The following SCHIP1 variants were observed in gnomAD, a reference collection of about 807,000 sequenced individuals.
SCHIP1 encodes schwannomin-interacting protein 1.
In SCHIP1, 8 loss-of-function variants were observed where a neutral mutation model predicts 29.7. That is an observed-to-expected ratio of 0.27 (90% CI 0.16 to 0.49). The LOEUF (loss-of-function observed/expected upper bound fraction) is 0.49, where lower values mean the gene tolerates loss of function less well. Ranked by LOEUF, SCHIP1 falls within the 20% of genes least tolerant of loss-of-function variation. The pLI, the probability that SCHIP1 is intolerant of heterozygous loss-of-function variation, is 0.99. For missense variants in SCHIP1, 193 were observed against 294.6 expected, an observed-to-expected ratio of 0.66 and a Z score of 2.52; for synonymous variants, 76 against 94.9, an observed-to-expected ratio of 0.80 and a Z score of 1.16.
chr3:159,323,069 G>A, the SCHIP1 span, among the ~76,000 whole-genome samples: 1 of 152,144 alleles, frequency 6.6e-6, no homozygotes, highest in Non-Finnish European at 1.5e-5. Flanking sequence ...TATTTGATTA[G>A]CTTGGTTTCT....
At chr3:159,297,123 C>T in the SCHIP1 span, among the ~76,000 whole-genome samples, 1 of 110,544 alleles carries the variant, frequency 9.0e-6, no homozygotes, top group Non-Finnish European at 1.8e-5. Context: ...GAGTAATATT[C>T]CATTGTGTGT....
At chr3:159,617,984 G>A in the SCHIP1 span, among the ~76,000 whole-genome samples, 1 of 151,994 alleles carries the variant, frequency 6.6e-6, no homozygotes, top group African/African-American at 2.4e-5. Flanking sequence ...CTCATAATTT[G>A]GACATGTGAA....
the SCHIP1 span, among the ~76,000 whole-genome samples, chr3:159,453,183 G>A: frequency 1.3e-5 from 2 of 152,128 alleles, no homozygotes; most frequent in South Asian, 2.1e-4. Context: ...GAGACTGCAC[G>A]GGACAAGAAA....
the SCHIP1 span, among the ~76,000 whole-genome samples, chr3:159,622,416 T>C: frequency 6.9e-6 from 1 of 145,656 alleles, no homozygotes. Flanking sequence ...AGAAATGCTA[T>C]TTGTTTCTGA....
At chr3:159,426,263 T>A in the SCHIP1 span, among the ~76,000 whole-genome samples, 1 of 150,836 alleles carries the variant, frequency 6.6e-6, no homozygotes, top group Non-Finnish European at 1.5e-5. Context: ...TTTGAAAGGA[T>A]CAACAAAATA....
At chr3:159,455,936 G>A in the SCHIP1 span, among the ~76,000 whole-genome samples, 3 of 152,204 alleles carry the variant, frequency 2.0e-5, no homozygotes, top group East Asian at 5.8e-4. Flanking sequence ...AGATGCCACC[G>A]TAATTAATGA....
chr3:159,462,993 A>G, the SCHIP1 span, among the ~76,000 whole-genome samples: 1 of 152,084 alleles, frequency 6.6e-6, no homozygotes, highest in African/African-American at 2.4e-5. Flanking sequence ...AAAATGACAT[A>G]TATGTGTACA....
the SCHIP1 span, among the ~76,000 whole-genome samples, chr3:159,364,038 G>A: frequency 1.3e-5 from 2 of 152,096 alleles, no homozygotes; most frequent in Admixed American, 1.3e-4. Flanking sequence ...TGCACTTCTG[G>A]TTTTTCATGT....
At chr3:159,877,620 C>T (rs955690044) in intron 2 of SCHIP1, among the ~76,000 whole-genome samples, 7 of 152,152 alleles carry the variant, frequency 4.6e-5, no homozygotes, top group South Asian at 2.1e-4. Context: ...TTAAGATTTT[C>T]GCCTACTTCA....
the SCHIP1 span, among the ~76,000 whole-genome samples, chr3:159,795,513 C>CA: frequency 2.0e-5 from 3 of 152,294 alleles, no homozygotes; most frequent in African/African-American, 7.2e-5. Context: ...CCCAAGACAT[C>CA]ACGGCCAGTA....
chr3:159,440,882 G>T, the SCHIP1 span, among the ~76,000 whole-genome samples: 9,254 of 152,270 alleles, frequency 0.061, 372 homozygotes, highest in Non-Finnish European at 0.096. Flanking sequence ...AACTCACTCT[G>T]ATGGAGAAAA....
At chr3:159,729,957 G>A in the SCHIP1 span, among the ~76,000 whole-genome samples, 1 of 152,074 alleles carries the variant, frequency 6.6e-6, no homozygotes, top group African/African-American at 2.4e-5. Context: ...CTGCAGGCCT[G>A]GATATGGAAT....
the SCHIP1 span, among the ~76,000 whole-genome samples, chr3:159,560,611 G>A: frequency 4.6e-5 from 7 of 151,780 alleles, no homozygotes; most frequent in South Asian, 2.1e-4. Flanking sequence ...CTTTTTCCAC[G>A]CATCATTTCA....
At chr3:159,737,600 A>G in the SCHIP1 span, among the ~76,000 whole-genome samples, 1 of 152,214 alleles carries the variant, frequency 6.6e-6, no homozygotes, top group Admixed American at 6.5e-5. Flanking sequence ...ACTGTGCTAA[A>G]GACACATGTT....
At chr3:159,543,665 C>T in the SCHIP1 span, among the ~76,000 whole-genome samples, 1 of 151,778 alleles carries the variant, frequency 6.6e-6, no homozygotes, top group East Asian at 1.9e-4. Context: ...GTGAATAGTG[C>T]CGCAATAAAC....
the SCHIP1 span, among the ~76,000 whole-genome samples, chr3:159,468,827 T>A: frequency 1.3e-5 from 2 of 149,700 alleles, no homozygotes; most frequent in East Asian, 3.9e-4. Flanking sequence ...AGCACAGTAG[T>A]GTGATCTCAG....
the SCHIP1 span, among the ~76,000 whole-genome samples, chr3:159,630,771 C>T: frequency 8.5e-5 from 13 of 152,246 alleles, no homozygotes; most frequent in South Asian, 2.5e-3. Context: ...GTACGGTGTA[C>T]ACTGCTTGGG....
At chr3:159,644,806 C>T in the SCHIP1 span, among the ~76,000 whole-genome samples, 803 of 152,118 alleles carry the variant, frequency 5.3e-3, 9 homozygotes, top group African/African-American at 0.019. Flanking sequence ...CATTCTGCAA[C>T]GTGGGAAAGA....
At chr3:159,688,706 T>C in the SCHIP1 span, among the ~76,000 whole-genome samples, 1 of 152,230 alleles carries the variant, frequency 6.6e-6, no homozygotes, top group African/African-American at 2.4e-5. Flanking sequence ...GTCTAGGTTT[T>C]CTTCTAGGGT....
Sources: gnomAD v4.1 joint callset for allele counts (sites outside exome capture counted in the v4.1 genomes callset) on GRCh38, gnomAD v4.1.1 for gene constraint, MANE v1.5 for transcripts, NCBI Gene and HGNC (gene_info 2026-07-23, HGNC 2026-07-21) for gene names.